The following RERE variants were observed in gnomAD, a reference collection of about 807,000 sequenced individuals.
The protein encoded by RERE is arginine-glutamic acid dipeptide repeats protein.
A neutral mutation model predicts 146.1 loss-of-function variants in RERE; 40 were observed. The observed-to-expected ratio is 0.27, with a 90% CI of 0.21 to 0.36. The LOEUF is 0.36. Among genes scored for constraint, RERE ranks in the 10% least tolerant of loss-of-function variants. The pLI is 1.00. For synonymous variants in RERE, 1,003 were observed against 866.0 expected, an observed-to-expected ratio of 1.16 and a Z score of -2.78; for missense variants, 1,933 against 2,138.7, an observed-to-expected ratio of 0.90 and a Z score of 1.90.
intron 12 of RERE, among the ~76,000 whole-genome samples, chr1:8,409,299 T>A (rs1398904570): frequency 6.6e-6 from 1 of 152,236 alleles, no homozygotes; most frequent in East Asian, 1.9e-4. Flanking sequence ...CTTGCTCTCC[T>A]GTCACCCAGC....
intron 1 of RERE, among the ~76,000 whole-genome samples, chr1:8,790,667 T>A (rs1179653612): frequency 6.6e-6 from 1 of 152,210 alleles, no homozygotes; most frequent in Admixed American, 6.5e-5. Context: ...CACTGCAATC[T>A]CCACCTCCCA....
At chr1:8,447,386 G>C (rs897742580) in intron 11 of RERE, among the ~76,000 whole-genome samples, 2 of 151,896 alleles carry the variant, frequency 1.3e-5, no homozygotes, top group African/African-American at 2.4e-5. Context: ...TCTGGTTTTT[G>C]GAATTTTCAG....
At chr1:8,605,745 C>CAAAAAAAAAAAAAAAAAAAAAAAAAAA (rs564574812) in intron 4 of RERE, among the ~76,000 whole-genome samples, 1 of 64,518 alleles carries the variant, frequency 1.5e-5, no homozygotes, top group African/African-American at 6.1e-5. Flanking sequence ...ACCCCATCTC[C>CAAAAAAAAAAAAAAAAAAAAAAAAAAA]AAAAAAAAAA....
chr1:8,758,449 C>T (rs191938732), intron 1 of RERE, among the ~76,000 whole-genome samples: 6 of 149,644 alleles, frequency 4.0e-5, no homozygotes, highest in African/African-American at 2.5e-5. Context: ...TGGAGTGCAG[C>T]GGCACAATCA....
chr1:8,710,257 G>A (rs775928622), intron 1 of RERE, among the ~76,000 whole-genome samples: 8 of 152,130 alleles, frequency 5.3e-5, no homozygotes, highest in Non-Finnish European at 1.0e-4. Flanking sequence ...TTCCCCCTAA[G>A]TCCTGGGGGG....
intron 2 of RERE, among the ~76,000 whole-genome samples, chr1:8,626,881 A>G (rs1646979421): frequency 6.6e-6 from 1 of 152,196 alleles, no homozygotes. Context: ...TAACTCTTAC[A>G]GCTACTACTC....
intron 1 of RERE, chr1:8,703,334 C>G (rs997983677): frequency 1.3e-5 from 2 of 151,204 alleles, no homozygotes; most frequent in Admixed American, 1.3e-4. Flanking sequence ...GAGCCTGCTG[C>G]CCACGGCCGC....
chr1:8,725,020 G>A (rs1348263254), intron 1 of RERE, among the ~76,000 whole-genome samples: 1 of 152,006 alleles, frequency 6.6e-6, no homozygotes, highest in African/African-American at 2.4e-5. Flanking sequence ...GTTCTAATGA[G>A]TAGTGTATAT....
intron 2 of RERE, among the ~76,000 whole-genome samples, chr1:8,645,989 GAAAATAAGAACT>G (rs1647287920): frequency 6.6e-6 from 1 of 152,170 alleles, no homozygotes; most frequent in Non-Finnish European, 1.5e-5. Context: ...TAATGTGACT[GAAAATAAGAACT>G]ACATTTTCCC....
At chr1:8,660,629 C>T (rs1045331446) in intron 1 of RERE, among the ~76,000 whole-genome samples, 29 of 152,190 alleles carry the variant, frequency 1.9e-4, no homozygotes, top group African/African-American at 6.8e-4. Flanking sequence ...GCTGCCTGTG[C>T]TGCCAGGATC....
chr1:8,540,375 G>C (rs933521334), intron 7 of RERE, among the ~76,000 whole-genome samples: 3 of 152,134 alleles, frequency 2.0e-5, no homozygotes, highest in South Asian at 4.1e-4. Flanking sequence ...GGCCTCCTAA[G>C]GTTCTAGGAT....
At chr1:8,421,694 A>T (rs1643911999) in intron 12 of RERE, among the ~76,000 whole-genome samples, 1 of 152,246 alleles carries the variant, frequency 6.6e-6, no homozygotes, top group Non-Finnish European at 1.5e-5. Flanking sequence ...AACAAGAGGA[A>T]ATCAGTAAAC....
chr1:8,632,968 T>C (rs1443894505), intron 2 of RERE, among the ~76,000 whole-genome samples: 1 of 152,172 alleles, frequency 6.6e-6, no homozygotes, highest in Admixed American at 6.5e-5. Flanking sequence ...TCTTGGATGA[T>C]TTTCTTATAT....
chr1:8,770,378 T>C (rs1640921715), intron 1 of RERE, among the ~76,000 whole-genome samples: 1 of 152,198 alleles, frequency 6.6e-6, no homozygotes, highest in Non-Finnish European at 1.5e-5. Flanking sequence ...ATTAGGGCCT[T>C]ACCTTCTCAA....
chr1:8,652,742 ATTCAT>A (rs1415242385), intron 2 of RERE, among the ~76,000 whole-genome samples: 2 of 152,162 alleles, frequency 1.3e-5, no homozygotes, highest in Non-Finnish European at 2.9e-5. Flanking sequence ...TGCCCCCATG[ATTCAT>A]TTATCTCCAC....
At chr1:8,681,527 T>G (rs1236630034) in intron 1 of RERE, among the ~76,000 whole-genome samples, 1 of 152,198 alleles carries the variant, frequency 6.6e-6, no homozygotes, top group African/African-American at 2.4e-5. Flanking sequence ...CCATATATAC[T>G]GTTCTACTTC....
chr1:8,467,608 C>T (rs1209019443), intron 10 of RERE, among the ~76,000 whole-genome samples: 1 of 152,168 alleles, frequency 6.6e-6, no homozygotes, highest in Non-Finnish European at 1.5e-5. Flanking sequence ...CATTTAACTG[C>T]CAACAAAAGG....
intron 11 of RERE, among the ~76,000 whole-genome samples, chr1:8,446,930 C>A (rs182768620): frequency 6.6e-6 from 1 of 151,944 alleles, no homozygotes; most frequent in Admixed American, 6.6e-5. Flanking sequence ...CCGCCCGCCT[C>A]GGCCTCCCAA....
chr1:8,645,615 A>G (rs1354575231), intron 2 of RERE, among the ~76,000 whole-genome samples: 3 of 152,212 alleles, frequency 2.0e-5, no homozygotes, highest in African/African-American at 7.2e-5. Flanking sequence ...GAGATTCTGC[A>G]TTTCTAACCA....
Sources: gnomAD v4.1 joint callset for allele counts (sites outside exome capture counted in the v4.1 genomes callset) on GRCh38, gnomAD v4.1.1 for gene constraint, MANE v1.5 for transcripts, NCBI Gene and HGNC (gene_info 2026-07-23, HGNC 2026-07-21) for gene names.